AGBL1: variants seen among roughly 807,000 people sequenced by gnomAD.
AGBL1 encodes cytosolic carboxypeptidase 4.
Under a neutral mutation model 118.9 loss-of-function variants are expected in AGBL1, and 130 were observed. The observed-to-expected ratio is 1.09, with a 90% CI of 0.95 to 1.26. The LOEUF is 1.26. Among genes scored for constraint, AGBL1 ranks in the 50% most tolerant of loss-of-function variants. The pLI, the probability that AGBL1 is intolerant of heterozygous loss-of-function variation, is 0.00. For synonymous variants in AGBL1, 555 were observed against 478.9 expected (o/e 1.16, Z -2.08); for missense variants, 1,584 against 1,298.1 (o/e 1.22, Z -3.38).
intron 22 of AGBL1, among the ~76,000 whole-genome samples, chr15:86,838,963 A>AG (rs1555455666): frequency 1.6e-4 from 24 of 150,382 alleles, no homozygotes; most frequent in African/African-American, 5.9e-4. Context: ...AAAAAAAAAA[A>AG]AAAGAAAGAA....
At chr15:86,556,187 A>T in intron 21 of AGBL1, 1 of 1,562,908 alleles carries the variant, frequency 6.4e-7, no homozygotes, top group African/African-American at 1.4e-5. Flanking sequence ...GAAATGACTC[A>T]TAGGTTCAGG....
chr15:86,634,242 T>C (rs1382284843), intron 21 of AGBL1, among the ~76,000 whole-genome samples: 1 of 152,106 alleles, frequency 6.6e-6, no homozygotes, highest in Non-Finnish European at 1.5e-5. Context: ...AAAACATATG[T>C]CCACACAAGA....
At chr15:86,094,658 G>T (rs887411178) in intron 1 of AGBL1, among the ~76,000 whole-genome samples, 1 of 152,122 alleles carries the variant, frequency 6.6e-6, no homozygotes, top group Admixed American at 6.5e-5. Context: ...ACAGCAAAGG[G>T]GTTGAGGCTG....
chr15:87,004,666 T>C (rs949514517), intron 24 of AGBL1, among the ~76,000 whole-genome samples: 7 of 152,198 alleles, frequency 4.6e-5, no homozygotes, highest in Admixed American at 2.0e-4. Context: ...TGTCTTTCAA[T>C]TGGAGCATTT....
intron 18 of AGBL1, among the ~76,000 whole-genome samples, chr15:86,438,702 C>A (rs1050014415): frequency 4.1e-5 from 6 of 147,692 alleles, no homozygotes; most frequent in Admixed American, 1.4e-4. Context: ...CGCTCTGTCA[C>A]CCAGGCTGGA....
At chr15:86,314,604 G>A (rs1286057754) in intron 17 of AGBL1, among the ~76,000 whole-genome samples, 1 of 152,110 alleles carries the variant, frequency 6.6e-6, no homozygotes, top group African/African-American at 2.4e-5. Context: ...AAGACACCCT[G>A]GGAGGCATCA....
intron 18 of AGBL1, among the ~76,000 whole-genome samples, chr15:86,522,311 T>C (rs967996395): frequency 1.4e-4 from 21 of 152,288 alleles, no homozygotes; most frequent in African/African-American, 5.1e-4. Flanking sequence ...GCCTAGCTCC[T>C]TCTTATGGCC....
At chr15:86,583,731 G>A (rs1718612854) in intron 21 of AGBL1, among the ~76,000 whole-genome samples, 1 of 152,160 alleles carries the variant, frequency 6.6e-6, no homozygotes, top group Non-Finnish European at 1.5e-5. Flanking sequence ...GGGTCACACA[G>A]TAGTTCTGTT....
At chr15:86,114,544 A>G (rs1897636700) in intron 1 of AGBL1, among the ~76,000 whole-genome samples, 1 of 152,202 alleles carries the variant, frequency 6.6e-6, no homozygotes, top group Non-Finnish European at 1.5e-5. Context: ...TAGATATTGT[A>G]CTTCCATGAT....
chr15:86,159,338 T>C (rs774293387), intron 5 of AGBL1, among the ~76,000 whole-genome samples: 13 of 152,182 alleles, frequency 8.5e-5, no homozygotes, highest in East Asian at 3.9e-4. Flanking sequence ...TGATTCCAGA[T>C]CTTTCAGACT....
intron 21 of AGBL1, among the ~76,000 whole-genome samples, chr15:86,607,653 C>G (rs1187083354): frequency 6.6e-6 from 1 of 152,170 alleles, no homozygotes; most frequent in Non-Finnish European, 1.5e-5. Flanking sequence ...TTGTAATTCC[C>G]TAATGACTTA....
chr15:86,276,113 CAT>C (rs2141705619), intron 15 of AGBL1, among the ~76,000 whole-genome samples: 1 of 152,252 alleles, frequency 6.6e-6, no homozygotes, highest in East Asian at 1.9e-4. Context: ...ATATAAAAGT[CAT>C]AGTATATGGA....
At chr15:86,292,986 C>T (rs1203709338) in intron 16 of AGBL1, among the ~76,000 whole-genome samples, 1 of 152,174 alleles carries the variant, frequency 6.6e-6, no homozygotes, top group Non-Finnish European at 1.5e-5. Context: ...GAGAATATGA[C>T]TCAAGGTCAA....
intron 17 of AGBL1, chr15:86,296,331 C>T (rs1470138753): frequency 6.6e-6 from 1 of 151,964 alleles, no homozygotes; most frequent in African/African-American, 2.4e-5. Context: ...TTAATTTATC[C>T]CCAGAAGATA....
chr15:86,170,659 A>G (rs771399649), intron 5 of AGBL1, among the ~76,000 whole-genome samples: 3 of 151,732 alleles, frequency 2.0e-5, no homozygotes, highest in African/African-American at 7.3e-5. Context: ...ACCCTGGGCA[A>G]CATGGTGAAA....
chr15:86,565,124 C>T (rs371561678), intron 21 of AGBL1, among the ~76,000 whole-genome samples: 1 of 152,208 alleles, frequency 6.6e-6, no homozygotes, highest in Non-Finnish European at 1.5e-5. Context: ...GCCTTCTTCT[C>T]TCAAATCGTC....
At chr15:86,279,455 G>A in intron 15 of AGBL1, among the ~76,000 whole-genome samples, 184 bp from the exon 16 acceptor site, 1 of 152,194 alleles carries the variant, frequency 6.6e-6, no homozygotes. Flanking sequence ...CTCATGAACT[G>A]GCAGTAAGTT....
chr15:86,316,819 T>G (rs1338049975), intron 17 of AGBL1: 9 of 152,322 alleles, frequency 5.9e-5, no homozygotes, highest in African/African-American at 2.2e-4. Context: ...TCACTGTGTG[T>G]CCTCCTTTCT....
At chr15:86,711,552 C>A (rs1216720433) in intron 22 of AGBL1, among the ~76,000 whole-genome samples, 1 of 152,130 alleles carries the variant, frequency 6.6e-6, no homozygotes, top group Non-Finnish European at 1.5e-5. Flanking sequence ...GAACTGCTAG[C>A]CCTTACAGTT....
Sources: gnomAD v4.1 joint callset for allele counts (sites outside exome capture counted in the v4.1 genomes callset) on GRCh38, gnomAD v4.1.1 for gene constraint, MANE v1.5 for transcripts, NCBI Gene and HGNC (gene_info 2026-07-23, HGNC 2026-07-21) for gene names.